Variants in PDS5B observed in about 807,000 individuals in gnomAD.
The protein encoded by PDS5B is PDS5 cohesin associated factor B.
Under a neutral mutation model 184.1 loss-of-function variants are expected in PDS5B, and 51 were observed. The observed-to-expected ratio is 0.28, with a 90% CI of 0.22 to 0.35. The LOEUF (loss-of-function observed/expected upper bound fraction) is 0.35, where lower values mean the gene tolerates loss of function less well. PDS5B is among the 10% of genes least tolerant of loss of function. The pLI is 1.00. For missense variants in PDS5B, 1,180 were observed against 1,723.3 expected (o/e 0.68, Z 5.58); for synonymous variants, 566 against 569.2 (o/e 0.99, Z 0.08).
intron 1 of PDS5B, among the ~76,000 whole-genome samples, chr13:32,647,123 A>G (rs911575158): frequency 2.6e-5 from 4 of 152,090 alleles, no homozygotes; most frequent in Non-Finnish European, 4.4e-5. Flanking sequence ...CTCTGCTTCA[A>G]TCTAGTCCTT....
chr13:32,641,653 C>G (rs1279237331), intron 1 of PDS5B, among the ~76,000 whole-genome samples: 12 of 152,010 alleles, frequency 7.9e-5, no homozygotes, highest in Non-Finnish European at 1.3e-4. Context: ...CCTTCTTTAT[C>G]TCCCCTGTGG....
chr13:32,692,412 AG>A (rs1362915129), intron 13 of PDS5B, among the ~76,000 whole-genome samples: 1 of 56,274 alleles, frequency 1.8e-5, no homozygotes, highest in Non-Finnish European at 4.1e-5. Flanking sequence ...GCGTCCAAAA[AG>A]CCTTTTTTTT....
In PDS5B at chr13:32,673,366, A is replaced by G. The variant is rs1317066348; in HGVS notation, c.846+10A>G. 6 of 1,601,118 alleles carry G rather than the reference A, an allele frequency of 3.7e-6. No homozygotes were observed. Among genetic ancestry groups the G allele is most frequent in the Non-Finnish European group, 5.1e-6 (6 of 1,173,386 alleles). On this transcript the variant is annotated intron_variant, in intron 8 of 34. Coordinates refer to ENST00000315596, the MANE Select transcript of PDS5B (RefSeq NM_015032.4). Reference sequence around the variant, plus strand: ...TGAATTTAAATTAAAGGTAACTTGTAAAAATAATATGATTCTACCAACCAA... The same window carrying G: ...TGAATTTAAATTAAAGGTAACTTGTGAAAATAATATGATTCTACCAACCAA...
At chr13:32,655,411 C>T (rs189749342) in intron 3 of PDS5B, among the ~76,000 whole-genome samples, 8 of 58,968 alleles carry the variant, frequency 1.4e-4, no homozygotes, top group African/African-American at 4.1e-4. Context: ...TGGAGTTTCA[C>T]ACCGTTGCTC....
intron 3 of PDS5B, among the ~76,000 whole-genome samples, chr13:32,655,503 C>A (rs1566291044): frequency 6.7e-6 from 1 of 150,196 alleles, no homozygotes; most frequent in Non-Finnish European, 1.5e-5. Context: ...CTCAGCCTCC[C>A]CAGTAGCTGG....
chr13:32,699,065 A>G (rs1420439367), intron 15 of PDS5B, among the ~76,000 whole-genome samples: 1 of 152,218 alleles, frequency 6.6e-6, no homozygotes, highest in African/African-American at 2.4e-5. Context: ...GCTATATTCT[A>G]GTCTGGCTCT....
intron 23 of PDS5B, 82 bp downstream of exon 23, chr13:32,742,809 T>C: frequency 8.0e-7 from 1 of 1,256,688 alleles, no homozygotes; most frequent in South Asian, 1.3e-5. Flanking sequence ...GCTGTTTCTT[T>C]TTCTTTTTTT....
intron 25 of PDS5B, among the ~76,000 whole-genome samples, chr13:32,755,069 A>G (rs140534789): frequency 3.3e-5 from 5 of 152,302 alleles, no homozygotes; most frequent in African/African-American, 4.8e-5. Flanking sequence ...TTCTCTGTAG[A>G]TTTAGCAATA....
chr13:32,646,567 T>A (rs1357995035), intron 1 of PDS5B, among the ~76,000 whole-genome samples: 2 of 151,650 alleles, frequency 1.3e-5, no homozygotes, highest in African/African-American at 2.4e-5. Context: ...CTGGGGCCTA[T>A]TTATCTTTTT....
intron 11 of PDS5B, among the ~76,000 whole-genome samples, chr13:32,684,676 C>T (rs552509359): frequency 6.6e-6 from 1 of 152,294 alleles, no homozygotes; most frequent in East Asian, 1.9e-4. Flanking sequence ...TCCTGATTGC[C>T]ATAATGGCAT....
At chr13:32,772,359 T>C (rs1954818070) in intron 33 of PDS5B, among the ~76,000 whole-genome samples, 3 of 152,198 alleles carry the variant, frequency 2.0e-5, no homozygotes, top group African/African-American at 4.8e-5. Flanking sequence ...ACAGACGTGG[T>C]ACTTGTTTTC....
intron 22 of PDS5B, among the ~76,000 whole-genome samples, chr13:32,742,025 G>A (rs1038093484): frequency 2.0e-5 from 3 of 152,032 alleles, no homozygotes; most frequent in Non-Finnish European, 4.4e-5. Context: ...CGTCTTTGCC[G>A]TGAGCCAGAC....
intron 1 of PDS5B, among the ~76,000 whole-genome samples, chr13:32,597,742 G>C (rs1200341350): frequency 1.3e-5 from 2 of 151,794 alleles, no homozygotes; most frequent in Non-Finnish European, 2.9e-5. Flanking sequence ...AGCTACTCAG[G>C]AGGCTGAGGC....
At chr13:32,745,072 G>T (rs1953696088) in intron 23 of PDS5B, among the ~76,000 whole-genome samples, 2 of 152,096 alleles carry the variant, frequency 1.3e-5, no homozygotes, top group Non-Finnish European at 2.9e-5. Context: ...TTACTAGTCT[G>T]GAATTCTATG....
Position 32,735,218 on chromosome 13 carries a change from C to T in PDS5B, c.2294C>T (p.Thr765Ile), listed in dbSNP as rs1953288898. The T allele has an allele frequency of 6.2e-7, 1 of 1,611,332 alleles. No individual in the cohort carries two copies. Among genetic ancestry groups the T allele is most frequent in the Non-Finnish European group, 8.5e-7 (1 of 1,178,310 alleles). The change falls in exon 21 of 35, where the codon ACA (threonine) becomes ATA (isoleucine). Residue 765 changes from threonine (T) to isoleucine (I), a missense_variant. By Grantham distance (89) the Thr-to-Ile change is moderately conservative. This residue lies in a region of PDS5B where 475 missense variants were observed against 691.5 expected (regional missense o/e 0.69). Coordinates refer to ENST00000315596, the MANE Select transcript of PDS5B (RefSeq NM_015032.4). ...CCAAGCAACCTGGAACATCTCATAA[C>T]ACCATTGGTTACTATTGGTCATATT... is the stretch of plus-strand genomic sequence containing the variant. Reference protein sequence around the residue: ...LDPSNLEHLITPLVTIGHIAL... With the variant: ...LDPSNLEHLIIPLVTIGHIAL...
intron 1 of PDS5B, among the ~76,000 whole-genome samples, chr13:32,618,877 A>G (rs1566252105): frequency 6.6e-6 from 1 of 152,080 alleles, no homozygotes; most frequent in Non-Finnish European, 1.5e-5. Context: ...TTTTTGCCAT[A>G]TGGATAGTTG....
chr13:32,706,152 C>T (rs1952004275), intron 17 of PDS5B, among the ~76,000 whole-genome samples: 1 of 151,872 alleles, frequency 6.6e-6, no homozygotes, highest in African/African-American at 2.4e-5. Context: ...TTGGCGCGCA[C>T]CTGTAATCCC....
At chr13:32,664,931 G>A (rs1170013824) in intron 6 of PDS5B, among the ~76,000 whole-genome samples, 1 of 152,186 alleles carries the variant, frequency 6.6e-6, no homozygotes, top group Non-Finnish European at 1.5e-5. Context: ...TAAAACTGAT[G>A]TGAAAGAGCA....
At position 32,587,100 on chromosome 13, in the gene PDS5B, C is replaced by T. The variant is rs1286028786; in HGVS notation, c.-20+507C>T. ...GCGGTGCTCCTGTTGAATCCTCCCG[C>T]GGGCGGGCTTCTCCCCCTTCCGGGC... On this transcript the variant is annotated intron_variant, in intron 1 of 34. Coordinates refer to ENST00000315596, the MANE Select transcript of PDS5B (RefSeq NM_015032.4). Among the ~76,000 whole-genome samples the T allele has an allele frequency of 6.1e-5, 9 of 147,772 alleles. No homozygotes were observed. In the East Asian group the frequency reaches 1.6e-3, roughly 27 times the overall value.
Sources: gnomAD v4.1 joint callset for allele counts (sites outside exome capture counted in the v4.1 genomes callset) on GRCh38, gnomAD v4.1.1 for gene constraint, gnomAD v4.1.1 regional missense constraint, MANE v1.5 for transcripts, NCBI Gene and HGNC (gene_info 2026-07-23, HGNC 2026-07-21) for gene names.